The following EVL variants were observed in gnomAD, a reference collection of about 807,000 sequenced individuals.
The protein encoded by EVL is ena/VASP-like protein.
EVL carries 21 observed loss-of-function variants against 59.6 expected under a neutral mutation model. The observed-to-expected ratio is 0.35, with a 90% CI of 0.25 to 0.51. EVL has a LOEUF of 0.51. Among genes scored for constraint, EVL ranks in the 20% least tolerant of loss-of-function variants. EVL has a pLI of 0.97. For missense variants in EVL, 462 were observed against 546.6 expected (o/e 0.85, Z 1.54); for synonymous variants, 198 against 203.5 (o/e 0.97, Z 0.23).
rs187358844 is a variant in EVL, at chr14:100,134,219, A to T, written c.900+1440A>T. 2.1e-4 allele frequency among the ~76,000 whole-genome samples: 32 copies of T among 152,348 alleles called. No individual in the cohort carries two copies. In the East Asian group the frequency reaches 5.8e-3, roughly 28 times the overall value. On this transcript the variant is annotated intron_variant, in intron 8 of 13. Transcript: ENST00000392920. ...ATTGCAGGCCACGGGATAATCACAG[A>T]CATCAAAATACTGTGGCCTCGCTCC...
intron 1 of EVL, among the ~76,000 whole-genome samples, chr14:100,050,364 T>A (rs1401161259): frequency 4.9e-5 from 7 of 142,404 alleles, no homozygotes; most frequent in Admixed American, 4.2e-4. Flanking sequence ...TTTATTTATT[T>A]TTTTTTAGAC....
chr14:100,056,955 AC>A (rs2061743899), intron 1 of EVL, among the ~76,000 whole-genome samples: 1 of 152,228 alleles, frequency 6.6e-6, no homozygotes, highest in Admixed American at 6.5e-5. Context: ...ATGCTCTGTG[AC>A]CACTAAATAG....
chr14:100,141,907 C>T, intron 13 of EVL, 114 bp downstream of exon 13: 1 of 766,058 alleles, frequency 1.3e-6, no homozygotes, highest in Non-Finnish European at 2.0e-6. Context: ...CTGCACTGGG[C>T]CCTGTGAGAG....
intron 1 of EVL, among the ~76,000 whole-genome samples, chr14:100,072,536 G>A (rs189443901): frequency 6.6e-6 from 1 of 152,188 alleles, no homozygotes; most frequent in African/African-American, 2.4e-5. Flanking sequence ...TATGGACTCT[G>A]TATTAGATTT....
At position 100,125,558 on chromosome 14, in the gene EVL, A is replaced by AT. The variant is rs202101876; in HGVS notation, c.423-1134dup. ...TAATGCTAAAAGGGGCTTTTCCGTA[A>AT]TTTTTTTTTTTTTTTGAGATGGAGT... On this transcript the variant is annotated intron_variant, in intron 4 of 13. Coordinates refer to ENST00000392920, the MANE Select transcript of EVL (RefSeq NM_016337.3). Among the ~76,000 whole-genome samples, 2,559 of 142,428 alleles carry AT rather than the reference A, an allele frequency of 0.018. 103 individuals carry two copies. In the East Asian group the frequency reaches 0.19, roughly 10 times the overall value. The allele number at this position is 142,428 out of a possible 152,430, so 93.4% of individuals were successfully genotyped here.
chr14:100,138,044 AG>A (rs3837589), intron 11 of EVL: 185,091 of 580,580 alleles, frequency 0.32, 30,817 homozygotes, highest in East Asian at 0.5. Context: ...GAGGTAGTGC[AG>A]GGGGGGGCCA....
rs1491151315 is a variant in EVL, at chr14:99,991,958, C to CTGTGTGTGTGTG, written c.5+19902_5+19903insGTGTGTGTGTGT. Among the ~76,000 whole-genome samples, 283 of 73,414 alleles carry CTGTGTGTGTGTG rather than the reference C, an allele frequency of 3.9e-3. 1 individual carries two copies. The highest frequency in any genetic ancestry group is 0.017 in the African/African-American group (258 of 15,410). 48.2% of individuals were successfully genotyped at this position (73,414 alleles called of 152,430 possible). A position where few individuals can be genotyped will look rare whatever the true frequency, so the allele number is the denominator to read the frequency against. The stretch of plus-strand genomic sequence containing the variant: ...AACCCCTGCATTGTTTGAGGGTCAA[C>CTGTGTGTGTGTG]TCTGTGTGTGTGTGTGTGTGTGTGT... On this transcript the variant is annotated intron_variant, in intron 1 of 13. Coordinates refer to the EVL transcript ENST00000402714.
intron 2 of EVL, among the ~76,000 whole-genome samples, chr14:100,093,688 T>A (rs1251467704): frequency 6.6e-6 from 1 of 152,162 alleles, no homozygotes; most frequent in Non-Finnish European, 1.5e-5. Context: ...CAGTCCCATA[T>A]CCTAAAACTT....
At chr14:100,070,048 A>G (rs2062015715) in intron 1 of EVL, among the ~76,000 whole-genome samples, 1 of 150,430 alleles carries the variant, frequency 6.6e-6, no homozygotes, top group African/African-American at 2.5e-5. Context: ...GCATCATAGT[A>G]AGACCTCCTC....
At chr14:100,059,053 C>G (rs2061778990) in intron 1 of EVL, among the ~76,000 whole-genome samples, 1 of 152,170 alleles carries the variant, frequency 6.6e-6, no homozygotes, top group Non-Finnish European at 1.5e-5. Context: ...AAAGAATACC[C>G]TTTGGTAGTT....
rs147709708 is a variant in EVL at position 99,993,290 on chromosome 14, C to T, written c.5+21233C>T. Among the ~76,000 whole-genome samples, 6 of 152,152 alleles carry T rather than the reference C, an allele frequency of 3.9e-5. No individual in the cohort carries two copies. The South Asian group carries it at 6.2e-4, about 16-fold the overall frequency. ...AGCCAAAATGGTCTCAATCTCCTGA[C>T]CTCGTGATCTGCCCACCTTGGCCTC... is the stretch of plus-strand genomic sequence containing the variant. On this transcript the variant is annotated intron_variant, in intron 1 of 13. Coordinates refer to the EVL transcript ENST00000402714.
chr14:100,079,556 CCT>C (rs2062245996), intron 1 of EVL, among the ~76,000 whole-genome samples: 1 of 152,176 alleles, frequency 6.6e-6, no homozygotes, highest in Non-Finnish European at 1.5e-5. Context: ...CAGGAGCCAG[CCT>C]CTCTCTGGAC....
chr14:100,141,345 C>A, intron 12 of EVL, 99 bp downstream of exon 12: 1 of 1,340,766 alleles, frequency 7.5e-7, no homozygotes, highest in African/African-American at 1.4e-5. Flanking sequence ...TGGGGGCCCA[C>A]ATGTAGCTGC....
intron 9 of EVL, chr14:100,137,254 C>T (rs1252748877): frequency 2.5e-6 from 1 of 403,700 alleles, no homozygotes; most frequent in Non-Finnish European, 4.6e-6. Context: ...GGGAGCAAGG[C>T]TGTGCTGGGA....
chr14:100,001,260 G>C (rs1318061209), intron 1 of EVL, among the ~76,000 whole-genome samples: 2 of 151,342 alleles, frequency 1.3e-5, no homozygotes, highest in Non-Finnish European at 2.9e-5. Context: ...TTTCAAATTA[G>C]GAAAAAACGG....
intron 1 of EVL, among the ~76,000 whole-genome samples, chr14:100,055,778 C>T (rs1056059947): frequency 6.8e-6 from 1 of 146,032 alleles, no homozygotes; most frequent in African/African-American, 2.7e-5. Context: ...TGCATGTGCA[C>T]ACTTACGTTG....
chr14:100,006,410 A>C (rs2140188938), intron 1 of EVL, among the ~76,000 whole-genome samples: 1 of 150,294 alleles, frequency 6.7e-6, no homozygotes, highest in South Asian at 2.1e-4. Flanking sequence ...TCAGCTTCCC[A>C]AGTAGCGGGG....
intron 3 of EVL, among the ~76,000 whole-genome samples, chr14:100,117,245 C>T (rs989560570): frequency 1.3e-5 from 2 of 152,246 alleles, no homozygotes; most frequent in Admixed American, 6.5e-5. Flanking sequence ...CTCTGTACAG[C>T]CCTGAGAACC....
intron 1 of EVL, among the ~76,000 whole-genome samples, chr14:100,015,484 C>T (rs897191447): frequency 3.9e-5 from 6 of 152,098 alleles, no homozygotes; most frequent in African/African-American, 7.2e-5. Context: ...ATGGTAGTAC[C>T]GCTGGGGCTA....
Sources: gnomAD v4.1 joint callset for allele counts (sites outside exome capture counted in the v4.1 genomes callset) on GRCh38, gnomAD v4.1.1 for gene constraint, MANE v1.5 for transcripts, NCBI Gene and HGNC (gene_info 2026-07-23, HGNC 2026-07-21) for gene names.